Variants in CDH13 observed in about 807,000 individuals in gnomAD.
CDH13 encodes the protein cadherin-13.
In CDH13, 24 loss-of-function variants were observed where a neutral mutation model predicts 63.8. The ratio of observed to expected loss-of-function variants is 0.38; its 90% confidence interval spans 0.27 to 0.53. CDH13 has a LOEUF of 0.53. CDH13 is among the 20% of genes least tolerant of loss of function. CDH13 has a pLI of 0.85. For synonymous variants in CDH13, 503 were observed against 355.3 expected (o/e 1.42, Z -4.67); for missense variants, 1,049 against 903.1 (o/e 1.16, Z -2.07).
intron 5 of CDH13, among the ~76,000 whole-genome samples, chr16:83,229,788 A>G (rs1235170318): frequency 6.6e-6 from 1 of 152,128 alleles, no homozygotes; most frequent in African/African-American, 2.4e-5. Context: ...GGACTATCTT[A>G]TATTCTTTAA....
intron 1 of CDH13, among the ~76,000 whole-genome samples, chr16:82,711,753 A>G (rs557667533): frequency 1.5e-4 from 23 of 152,228 alleles, no homozygotes; most frequent in Non-Finnish European, 1.8e-4. Context: ...TCTAAAGTTC[A>G]GACACTCAGG....
chr16:83,376,614 A>C (rs1248647926), intron 6 of CDH13, among the ~76,000 whole-genome samples: 1 of 152,192 alleles, frequency 6.6e-6, no homozygotes, highest in African/African-American at 2.4e-5. Flanking sequence ...AGATGCTAGC[A>C]TGATGACAAG....
At chr16:83,784,678 T>C (rs1246157797) in intron 13 of CDH13, among the ~76,000 whole-genome samples, 1 of 150,664 alleles carries the variant, frequency 6.6e-6, no homozygotes, top group Non-Finnish European at 1.5e-5. Context: ...AGCATTTCAC[T>C]GGCCCTTCAG....
chr16:83,682,256 A>C (rs1385385873), intron 10 of CDH13, among the ~76,000 whole-genome samples: 1 of 152,166 alleles, frequency 6.6e-6, no homozygotes, highest in Non-Finnish European at 1.5e-5. Flanking sequence ...GCAAAGACCC[A>C]CACCAGGGAG....
At chr16:83,043,900 G>A (rs1208797572) in intron 3 of CDH13, among the ~76,000 whole-genome samples, 3 of 151,490 alleles carry the variant, frequency 2.0e-5, no homozygotes, top group African/African-American at 7.3e-5. Flanking sequence ...TTCATATTAA[G>A]TCATTGAAAT....
intron 1 of CDH13, among the ~76,000 whole-genome samples, chr16:82,815,713 G>T (rs946537011): frequency 6.6e-6 from 1 of 152,120 alleles, no homozygotes; most frequent in Non-Finnish European, 1.5e-5. Flanking sequence ...GAAGAACAGT[G>T]CCCCTAATCG....
chr16:83,364,770 C>T (rs556314378), intron 6 of CDH13, among the ~76,000 whole-genome samples: 1 of 152,174 alleles, frequency 6.6e-6, no homozygotes, highest in African/African-American at 2.4e-5. Context: ...AGGAGGCAGA[C>T]AGAAGGAAGA....
At chr16:83,516,799 A>G (rs959968012) in intron 7 of CDH13, among the ~76,000 whole-genome samples, 2 of 152,228 alleles carry the variant, frequency 1.3e-5, no homozygotes, top group Non-Finnish European at 2.9e-5. Context: ...ATTGCAAATG[A>G]TCTGAGTGTT....
chr16:83,138,865 G>T (rs1348007516), intron 4 of CDH13, among the ~76,000 whole-genome samples: 1 of 152,100 alleles, frequency 6.6e-6, no homozygotes, highest in Non-Finnish European at 1.5e-5. Context: ...CTGGAAAGAG[G>T]GCACAGTGAA....
chr16:82,902,998 T>C (rs1276956213), intron 2 of CDH13, among the ~76,000 whole-genome samples: 1 of 152,214 alleles, frequency 6.6e-6, no homozygotes, highest in African/African-American at 2.4e-5. Context: ...GACTCCTTTC[T>C]CTAGTTCAGG....
intron 2 of CDH13, among the ~76,000 whole-genome samples, chr16:82,980,333 T>C (rs962324403): frequency 6.6e-6 from 1 of 152,160 alleles, no homozygotes; most frequent in Admixed American, 6.5e-5. Flanking sequence ...CACAGAGTGC[T>C]TTGGCTGGGT....
intron 1 of CDH13, among the ~76,000 whole-genome samples, chr16:82,743,774 C>G (rs1391729591): frequency 6.6e-6 from 1 of 152,110 alleles, no homozygotes; most frequent in African/African-American, 2.4e-5. Context: ...TTCTCTGCAT[C>G]TTTTACATTA....
At position 83,439,309 on chromosome 16, in the gene CDH13, C is replaced by T. The variant is rs535072180; in HGVS notation, c.782-47168C>T. ...TTTTCCCACTGCTGTTGCCCTTCAGCCAAAGAGCACCAGGAACACATCCGT... is the reference window on the plus strand; with the variant it reads ...TTTTCCCACTGCTGTTGCCCTTCAGTCAAAGAGCACCAGGAACACATCCGT... On this transcript the variant is annotated intron_variant, in intron 6 of 13. Coordinates refer to ENST00000567109, the MANE Select transcript of CDH13 (RefSeq NM_001257.5). Among the ~76,000 whole-genome samples, 298 of 152,280 alleles carry T rather than the reference C, an allele frequency of 2.0e-3. 3 individuals are homozygous for T. Among genetic ancestry groups the T allele is most frequent in the African/African-American group, 6.9e-3 (285 of 41,552 alleles).
chr16:82,689,292 G>T (rs570249584), intron 1 of CDH13, among the ~76,000 whole-genome samples: 1 of 152,048 alleles, frequency 6.6e-6, no homozygotes, highest in South Asian at 2.1e-4. Context: ...GGCTTTCTCA[G>T]CAGGTATGAA....
rs2040485601 is a variant in CDH13 at position 82,875,779 on chromosome 16, TA to T, written c.157+17307del. 3.3e-5 allele frequency among the ~76,000 whole-genome samples: 5 copies of T among 152,336 alleles called. No homozygotes were observed. In the South Asian group the frequency reaches 1.0e-3, roughly 32 times the overall value. ...AACTAGCTATTTGCATGCAATTTAA[TA>T]GTAAAGGAGTGTTAGAATAAGTTTG... On this transcript the variant is annotated intron_variant, in intron 2 of 13. Transcript: ENST00000567109.
chr16:83,439,866 A>T (rs2072432462), intron 6 of CDH13, among the ~76,000 whole-genome samples: 1 of 152,200 alleles, frequency 6.6e-6, no homozygotes, highest in African/African-American at 2.4e-5. Flanking sequence ...GAGTACTGTC[A>T]ATCCTTGGTG....
intron 6 of CDH13, among the ~76,000 whole-genome samples, chr16:83,386,528 G>A (rs766026511): frequency 6.6e-5 from 10 of 152,134 alleles, no homozygotes; most frequent in Non-Finnish European, 8.8e-5. Flanking sequence ...AAATAAGTGG[G>A]ATTTTTCAGT....
intron 2 of CDH13, among the ~76,000 whole-genome samples, chr16:82,907,244 G>A (rs956472613): frequency 8.5e-5 from 13 of 152,284 alleles, no homozygotes; most frequent in Non-Finnish European, 1.8e-4. Flanking sequence ...GCGAACCAAA[G>A]CTTAGGTGAT....
intron 10 of CDH13, among the ~76,000 whole-genome samples, chr16:83,707,828 C>A (rs1244586802): frequency 7.2e-5 from 4 of 55,422 alleles, no homozygotes; most frequent in Non-Finnish European, 1.4e-4. Context: ...GGTGAGAGAC[C>A]CTAAAGGCAA....
Sources: allele counts gnomAD v4.1 joint callset (sites outside exome capture counted in the v4.1 genomes callset), GRCh38; gene constraint gnomAD v4.1.1; transcripts MANE v1.5; gene names NCBI Gene and HGNC (gene_info 2026-07-23, HGNC 2026-07-21).